ZFAND3: variants seen among roughly 807,000 people sequenced by gnomAD.
ZFAND3 encodes zinc finger AN1-type containing 3.
In ZFAND3, 10 loss-of-function variants were observed where a neutral mutation model predicts 29.6. The observed-to-expected ratio is 0.34, with a 90% CI of 0.21 to 0.57. ZFAND3 has a LOEUF of 0.57. Ranked by LOEUF, ZFAND3 falls within the 20% of genes least tolerant of loss-of-function variation. ZFAND3 has a pLI of 0.86. For missense variants in ZFAND3, 230 were observed against 304.5 expected (o/e 0.76, Z 1.82); for synonymous variants, 128 against 112.6 (o/e 1.14, Z -0.87).
At chr6:37,870,030 T>C (rs1764663789) in intron 1 of ZFAND3, among the ~76,000 whole-genome samples, 1 of 152,114 alleles carries the variant, frequency 6.6e-6, no homozygotes, top group Admixed American at 6.6e-5. Context: ...CATTTTTCTC[T>C]CAGTACTGCT....
chr6:37,981,956 G>A (rs1355052052), intron 2 of ZFAND3, among the ~76,000 whole-genome samples: 1 of 152,130 alleles, frequency 6.6e-6, no homozygotes, highest in African/African-American at 2.4e-5. Flanking sequence ...TGGGGAGAGG[G>A]CTTCTGGGTC....
At chr6:38,102,425 C>T (rs1013655125) in intron 4 of ZFAND3, among the ~76,000 whole-genome samples, 1 of 152,124 alleles carries the variant, frequency 6.6e-6, no homozygotes, top group Middle Eastern at 3.4e-3. Flanking sequence ...CCCACCTCAC[C>T]CCTACACTCA....
intron 2 of ZFAND3, among the ~76,000 whole-genome samples, chr6:38,018,775 A>G (rs1213401471): frequency 6.6e-6 from 1 of 152,198 alleles, no homozygotes; most frequent in Non-Finnish European, 1.5e-5. Context: ...TACTTTGTAC[A>G]TGCAAGATTA....
chr6:37,893,814 A>G (rs1176202097), intron 1 of ZFAND3, among the ~76,000 whole-genome samples: 4 of 151,940 alleles, frequency 2.6e-5, no homozygotes, highest in Admixed American at 2.0e-4. Flanking sequence ...TTGGCTTCCC[A>G]AAGTGCTGGG....
chr6:38,018,836 T>C (rs2127446706), intron 2 of ZFAND3, among the ~76,000 whole-genome samples: 1 of 152,352 alleles, frequency 6.6e-6, no homozygotes, highest in African/African-American at 2.4e-5. Flanking sequence ...AAAGTGTATG[T>C]GCACTTTTCA....
intron 2 of ZFAND3, among the ~76,000 whole-genome samples, chr6:38,039,652 A>C (rs544272744): frequency 2.6e-5 from 4 of 152,322 alleles, no homozygotes; most frequent in Admixed American, 2.6e-4. Context: ...AATTTTAAAA[A>C]TCAGTACTCT....
chr6:37,899,623 T>C (rs1765282756), intron 1 of ZFAND3, among the ~76,000 whole-genome samples: 1 of 152,228 alleles, frequency 6.6e-6, no homozygotes, highest in Non-Finnish European at 1.5e-5. Context: ...TAAATAGGAT[T>C]GATCTAATTT....
chr6:37,892,992 A>G (rs996996163), intron 1 of ZFAND3, among the ~76,000 whole-genome samples: 2 of 152,130 alleles, frequency 1.3e-5, no homozygotes, highest in Non-Finnish European at 2.9e-5. Flanking sequence ...TTAGCTCTAG[A>G]TGGAATTCTG....
At chr6:37,999,014 A>G (rs897959796) in intron 2 of ZFAND3, among the ~76,000 whole-genome samples, 1 of 152,334 alleles carries the variant, frequency 6.6e-6, no homozygotes, top group Admixed American at 6.5e-5. Context: ...ACCATTCTCC[A>G]ATAGAAGCAA....
chr6:38,066,480 T>G (rs1240869992), intron 3 of ZFAND3, among the ~76,000 whole-genome samples: 1 of 152,228 alleles, frequency 6.6e-6, no homozygotes, highest in Non-Finnish European at 1.5e-5. Context: ...AGAAGTAAGA[T>G]GTAGCAGTTG....
chr6:37,910,337 A>G (rs577565908), intron 1 of ZFAND3, among the ~76,000 whole-genome samples: 2 of 151,130 alleles, frequency 1.3e-5, no homozygotes, highest in Non-Finnish European at 2.9e-5. Context: ...GGTAACTGGC[A>G]TGTAAGTGCC....
At chr6:37,905,811 C>T (rs1765396669) in intron 1 of ZFAND3, among the ~76,000 whole-genome samples, 2 of 151,804 alleles carry the variant, frequency 1.3e-5, no homozygotes, top group South Asian at 2.1e-4. Flanking sequence ...ACCTACCTAC[C>T]TTATAGTTTT....
chr6:38,082,667 C>A (rs541357508), intron 4 of ZFAND3, among the ~76,000 whole-genome samples: 4 of 152,072 alleles, frequency 2.6e-5, no homozygotes, highest in South Asian at 2.1e-4. Flanking sequence ...GCAGCTAGAT[C>A]CAAGAAGGTG....
At chr6:38,124,715 G>C (rs1487489951) in intron 5 of ZFAND3, among the ~76,000 whole-genome samples, 3 of 152,200 alleles carry the variant, frequency 2.0e-5, no homozygotes, top group Admixed American at 2.0e-4. Flanking sequence ...ACACCTCCCT[G>C]CAAGCTGAGG....
At chr6:38,025,239 T>A (rs1168564646) in intron 2 of ZFAND3, among the ~76,000 whole-genome samples, 2 of 152,232 alleles carry the variant, frequency 1.3e-5, no homozygotes, top group Non-Finnish European at 2.9e-5. Flanking sequence ...AGTCACATAC[T>A]CTTATTAAGG....
intron 4 of ZFAND3, among the ~76,000 whole-genome samples, chr6:38,093,225 A>G (rs1166027535): frequency 6.6e-6 from 1 of 152,214 alleles, no homozygotes; most frequent in East Asian, 1.9e-4. Context: ...TGGAATAGAG[A>G]AAGAGAGATA....
chr6:37,956,062 G>T (rs1276488622), intron 2 of ZFAND3, among the ~76,000 whole-genome samples: 4 of 152,004 alleles, frequency 2.6e-5, no homozygotes, highest in African/African-American at 9.7e-5. Context: ...TGCTGTGTAG[G>T]GTACTCAGAA....
At chr6:37,862,116 TTATA>T (rs10566474) in intron 1 of ZFAND3, among the ~76,000 whole-genome samples, 3 of 152,200 alleles carry the variant, frequency 2.0e-5, no homozygotes, top group African/African-American at 7.2e-5. Context: ...GTTTACTTTT[TTATA>T]TGTTTACTTT....
Position 38,087,907 on chromosome 6 carries a change from A to C in ZFAND3, c.361+5450A>C, listed in dbSNP as rs145233708. Among the ~76,000 whole-genome samples the C allele has an allele frequency of 2.0e-5, 3 of 152,340 alleles. No individual in the cohort carries two copies. In the East Asian group the frequency reaches 5.8e-4, roughly 29 times the overall value. On this transcript the variant is annotated intron_variant, in intron 4 of 5. Coordinates refer to ENST00000287218, the MANE Select transcript of ZFAND3 (RefSeq NM_021943.3). ...CCATATATATTGCAGCACTATTCACAATAGCTAAGAATGTTTCCAGCATGA... is the reference window on the plus strand; with the variant it reads ...CCATATATATTGCAGCACTATTCACCATAGCTAAGAATGTTTCCAGCATGA...
Sources: gnomAD v4.1 joint callset for allele counts (sites outside exome capture counted in the v4.1 genomes callset) on GRCh38, gnomAD v4.1.1 for gene constraint, MANE v1.5 for transcripts, NCBI Gene and HGNC (gene_info 2026-07-23, HGNC 2026-07-21) for gene names.